ZPBP: variants seen among roughly 807,000 people sequenced by gnomAD.
ZPBP encodes zona pellucida-binding protein 1.
ZPBP carries 26 observed loss-of-function variants against 44.8 expected under a neutral mutation model. The ratio of observed to expected loss-of-function variants is 0.58; its 90% confidence interval spans 0.43 to 0.81. The LOEUF (loss-of-function observed/expected upper bound fraction) is 0.81. ZPBP is among the 30% of genes least tolerant of loss of function. ZPBP has a pLI of 0.00. For missense variants in ZPBP, 409 were observed against 434.0 expected, an observed-to-expected ratio of 0.94 and a Z score of 0.51; for synonymous variants, 174 against 153.2, an observed-to-expected ratio of 1.14 and a Z score of -1.00.
chr7:49,906,932 A>T (rs1159169558), intron 1 of ZPBP, among the ~76,000 whole-genome samples: 2 of 151,480 alleles, frequency 1.3e-5, no homozygotes, highest in Non-Finnish European at 2.9e-5. Context: ...AGCAGATGAT[A>T]AAAAAAAATG....
chr7:49,904,925 G>A lies in ZPBP; in HGVS notation n.412-3710C>T, dbSNP rs146581173. 3.6e-3 allele frequency among the ~76,000 whole-genome samples: 548 copies of A among 151,916 alleles called. 3 individuals are homozygous for A. Among genetic ancestry groups the A allele is most frequent in the African/African-American group, 0.012 (515 of 41,448 alleles). ...TAATTTTTGTATTTTTAGTAGAGATGGGGTTTCACCATCTTGGCCAGGCTG... is the reference window on the plus strand; with the variant it reads ...TAATTTTTGTATTTTTAGTAGAGATAGGGTTTCACCATCTTGGCCAGGCTG... On this transcript the variant is annotated intron_variant and non_coding_transcript_variant, in intron 1 of 2. Transcript: ENST00000465922.
chr7:50,033,678 G>GTTTATTTATTTATTTA lies in ZPBP; in HGVS notation c.488-2384_488-2369dup, dbSNP rs56856262. ...AACGTCAATAATTATTCTTTCTACA[G>GTTTATTTATTTATTTA]TTTATTTATTTATTTATTTATTTAT... On this transcript the variant is annotated intron_variant, in intron 4 of 7. Transcript: ENST00000046087. Among the ~76,000 whole-genome samples the GTTTATTTATTTATTTA allele has an allele frequency of 8.7e-4, 129 of 148,820 alleles. 1 individual carries two copies. The highest frequency in any genetic ancestry group is 1.4e-3 in the Admixed American group (21 of 14,926).
intron 6 of ZPBP, 55 bp downstream of exon 6, chr7:50,018,185 A>G: frequency 1.5e-6 from 2 of 1,293,342 alleles, no homozygotes; most frequent in Non-Finnish European, 1.1e-6. Flanking sequence ...TTACTTACAC[A>G]TGGGGCATGT....
chr7:49,841,325 TA>T, the ZPBP span, among the ~76,000 whole-genome samples: 11 of 138,776 alleles, frequency 7.9e-5, no homozygotes, highest in Non-Finnish European at 1.4e-4. Flanking sequence ...TTTTTTTTTT[TA>T]AAGTAAGAGA....
intron 1 of ZPBP, among the ~76,000 whole-genome samples, chr7:49,928,420 T>C (rs1309179834): frequency 1.3e-5 from 2 of 152,196 alleles, no homozygotes; most frequent in Non-Finnish European, 2.9e-5. Flanking sequence ...TCTAGTCATC[T>C]CTCATTCTTA....
chr7:49,897,015 C>T (rs1792420393), intron 2 of ZPBP, among the ~76,000 whole-genome samples: 1 of 151,774 alleles, frequency 6.6e-6, no homozygotes, highest in African/African-American at 2.4e-5. Context: ...CCTGCCTCAG[C>T]CTCCCGAGTA....
In ZPBP at chr7:49,882,864, T is replaced by TTTGTTG. The variant is rs201572339; in HGVS notation, n.509+18248_509+18253dup. 2.6e-4 allele frequency among the ~76,000 whole-genome samples: 40 copies of TTTGTTG among 152,020 alleles called. 1 individual carries two copies. The highest frequency in any genetic ancestry group is 2.2e-3 in the Admixed American group (33 of 15,256). On this transcript the variant is annotated intron_variant and non_coding_transcript_variant, in intron 2 of 2. Coordinates refer to the ZPBP transcript ENST00000465922. Reference sequence around the variant, plus strand: ...TTTGTGTTTTTGGGTTTTTTTTGTTTTTGTTGTTGTTGTTGTTGTTGTTTT... The same window carrying TTTGTTG: ...TTTGTGTTTTTGGGTTTTTTTTGTTTTTGTTGTTGTTGTTGTTGTTGTTGTTGTTTT...
At chr7:49,989,856 A>G (rs1580399) in intron 6 of ZPBP, among the ~76,000 whole-genome samples, 121,319 of 152,080 alleles carry the variant, frequency 0.8, 48,541 homozygotes, top group East Asian at 0.89. Context: ...TTTCCTTTTT[A>G]GGAAAGCAAG....
intron 1 of ZPBP, among the ~76,000 whole-genome samples, chr7:49,902,547 C>A (rs1792818104): frequency 7.2e-6 from 1 of 138,892 alleles, no homozygotes; most frequent in Non-Finnish European, 1.6e-5. Context: ...AATTGGATAT[C>A]CGTAGCCAAA....
At chr7:49,889,650 C>T (rs1451109568) in intron 2 of ZPBP, among the ~76,000 whole-genome samples, 2 of 152,148 alleles carry the variant, frequency 1.3e-5, no homozygotes, top group African/African-American at 4.8e-5. Context: ...CTTTTTGCTC[C>T]TTAAGTTTGC....
At chr7:49,970,945 G>A (rs2128770039) in intron 7 of ZPBP, among the ~76,000 whole-genome samples, 1 of 152,174 alleles carries the variant, frequency 6.6e-6, no homozygotes, top group African/African-American at 2.4e-5. Context: ...TCAGGGGGCT[G>A]AGGTGAGAGG....
chr7:50,031,908 AAAG>A (rs1799624441), intron 4 of ZPBP, among the ~76,000 whole-genome samples: 1 of 152,110 alleles, frequency 6.6e-6, no homozygotes, highest in Admixed American at 6.6e-5. Flanking sequence ...ATAAAAATGA[AAAG>A]AAATTCACTA....
chr7:49,937,756 A>C, intron 7 of ZPBP, 134 bp from the exon 8 acceptor site: 1 of 722,120 alleles, frequency 1.4e-6, no homozygotes, highest in East Asian at 2.8e-5. Context: ...AAATCTGCAG[A>C]ACTTTTTCAT....
At chr7:50,035,104 A>C (rs1052728765) in intron 4 of ZPBP, among the ~76,000 whole-genome samples, 2 of 152,202 alleles carry the variant, frequency 1.3e-5, no homozygotes, top group African/African-American at 4.8e-5. Context: ...CTATCATCCC[A>C]CATTTTCTAA....
At chr7:49,924,743 C>T (rs1215390385) in intron 1 of ZPBP, among the ~76,000 whole-genome samples, 2 of 152,086 alleles carry the variant, frequency 1.3e-5, no homozygotes, top group African/African-American at 4.8e-5. Flanking sequence ...CTCCCTCTTA[C>T]TAGTAAAAAC....
downstream of ZPBP, among the ~76,000 whole-genome samples, chr7:49,933,834 T>C (rs1389807014): frequency 2.9e-5 from 4 of 139,754 alleles, no homozygotes; most frequent in East Asian, 2.1e-4. Flanking sequence ...TTCTCACTCA[T>C]AGGTGGGAAT....
chr7:50,086,332 C>A (rs1802647417), intron 2 of ZPBP, among the ~76,000 whole-genome samples: 1 of 151,770 alleles, frequency 6.6e-6, no homozygotes, highest in South Asian at 2.1e-4. Flanking sequence ...AAAATATGGC[C>A]ATATGCATAA....
At chr7:49,943,377 T>C (rs550354698) in intron 7 of ZPBP, 38 of 370,524 alleles carry the variant, frequency 1.0e-4, no homozygotes, top group Middle Eastern at 2.0e-3. Flanking sequence ...AACCAACATA[T>C]CAAGGTAATG....
intron 1 of ZPBP, among the ~76,000 whole-genome samples, chr7:49,929,295 T>C (rs967695110): frequency 6.6e-6 from 1 of 152,194 alleles, no homozygotes; most frequent in Admixed American, 6.5e-5. Context: ...GAAGGAGAGA[T>C]GCACCTCCGC....
Sources: gnomAD v4.1 joint callset for allele counts (sites outside exome capture counted in the v4.1 genomes callset) on GRCh38, gnomAD v4.1.1 for gene constraint, MANE v1.5 for transcripts, NCBI Gene and HGNC (gene_info 2026-07-23, HGNC 2026-07-21) for gene names.